Variants in TMEM132D observed in about 807,000 individuals in gnomAD.
TMEM132D encodes the protein mature OL transmembrane protein.
In TMEM132D, 21 loss-of-function variants were observed where a neutral mutation model predicts 62.3. The observed-to-expected ratio is 0.34, with a 90% CI of 0.24 to 0.49. The LOEUF (loss-of-function observed/expected upper bound fraction) is 0.49, where lower values mean the gene tolerates loss of function less well. TMEM132D is among the 20% of genes least tolerant of loss of function. The probability of loss-of-function intolerance (pLI) is 0.99; values close to 1 mark genes in which losing one functional copy is unlikely to be tolerated. For missense variants in TMEM132D, 1,346 were observed against 1,402.8 expected (o/e 0.96, Z 0.65); for synonymous variants, 621 against 575.6 (o/e 1.08, Z -1.13).
At chr12:129,378,524 T>C (rs1870847955) in intron 3 of TMEM132D, among the ~76,000 whole-genome samples, 1 of 152,188 alleles carries the variant, frequency 6.6e-6, no homozygotes, top group South Asian at 2.1e-4. Flanking sequence ...AATTTCAAAG[T>C]AGTTGAAAGC....
intron 5 of TMEM132D, among the ~76,000 whole-genome samples, chr12:129,134,358 T>C (rs1225201370): frequency 6.6e-6 from 1 of 152,170 alleles, no homozygotes; most frequent in African/African-American, 2.4e-5. Flanking sequence ...TTTAAGGACA[T>C]GGTTACAGAC....
At chr12:129,727,987 G>A (rs984390750) in intron 1 of TMEM132D, among the ~76,000 whole-genome samples, 2 of 152,002 alleles carry the variant, frequency 1.3e-5, no homozygotes, top group African/African-American at 2.4e-5. Context: ...TCTGATCACC[G>A]GCTGTATCCA....
chr12:129,462,237 G>A (rs1196578018), intron 3 of TMEM132D, among the ~76,000 whole-genome samples: 1 of 152,136 alleles, frequency 6.6e-6, no homozygotes, highest in Non-Finnish European at 1.5e-5. Context: ...GAAAGGGAGT[G>A]TCGGGGATGT....
At chr12:129,891,109 G>A (rs772077563) in intron 1 of TMEM132D, among the ~76,000 whole-genome samples, 5 of 152,102 alleles carry the variant, frequency 3.3e-5, no homozygotes, top group Admixed American at 2.0e-4. Flanking sequence ...TGGCACCCTT[G>A]CCATTCCATC....
intron 2 of TMEM132D, among the ~76,000 whole-genome samples, chr12:129,556,467 T>C (rs1877060849): frequency 2.2e-5 from 3 of 136,804 alleles, no homozygotes; most frequent in East Asian, 4.0e-4. Flanking sequence ...GGGGTGGAGC[T>C]TTTTTTTTTC....
chr12:129,181,024 G>C (rs1279087867), intron 5 of TMEM132D, among the ~76,000 whole-genome samples: 1 of 152,132 alleles, frequency 6.6e-6, no homozygotes, highest in African/African-American at 2.4e-5. Context: ...CCAGTTATGA[G>C]GATGCTGCCA....
intron 1 of TMEM132D, among the ~76,000 whole-genome samples, chr12:129,773,795 C>T (rs1870833757): frequency 6.6e-6 from 1 of 152,164 alleles, no homozygotes; most frequent in African/African-American, 2.4e-5. Context: ...CTTGGGCTGG[C>T]ATACAGAACA....
At chr12:129,377,480 T>A (rs557741936) in intron 3 of TMEM132D, among the ~76,000 whole-genome samples, 1 of 152,276 alleles carries the variant, frequency 6.6e-6, no homozygotes, top group East Asian at 1.9e-4. Context: ...GCATATGCAA[T>A]AATTTCTCCA....
chr12:129,230,122 G>A (rs1196374423), intron 4 of TMEM132D, among the ~76,000 whole-genome samples: 1 of 152,234 alleles, frequency 6.6e-6, no homozygotes, highest in African/African-American at 2.4e-5. Flanking sequence ...CCCATGCATT[G>A]ACTTAGACTT....
intron 4 of TMEM132D, among the ~76,000 whole-genome samples, chr12:129,322,589 A>T (rs1269830492): frequency 6.6e-6 from 1 of 152,008 alleles, no homozygotes; most frequent in Non-Finnish European, 1.5e-5. Context: ...TATTACTACA[A>T]GGCAAATTCC....
rs769521638 is a variant in TMEM132D at position 129,889,718 on chromosome 12, T to C, written c.79+13543A>G. ...AGATCTGCTTTGCTTTTTCTCTTTATAGCATCTGTTCAATGCTGACCAGGA... is the reference window on the plus strand; with the variant it reads ...AGATCTGCTTTGCTTTTTCTCTTTACAGCATCTGTTCAATGCTGACCAGGA... On this transcript the variant is annotated intron_variant, in intron 1 of 8. Transcript: ENST00000422113. 3.9e-5 allele frequency among the ~76,000 whole-genome samples: 6 copies of C among 152,354 alleles called. No individual in the cohort carries two copies. In the East Asian group the frequency reaches 5.8e-4, roughly 15 times the overall value.
At position 129,735,193 on chromosome 12, in the gene TMEM132D, G is replaced by T. The variant is rs201151890; in HGVS notation, c.80-34495C>A. 2.0e-5 allele frequency among the ~76,000 whole-genome samples: 3 copies of T among 152,130 alleles called. No individual in the cohort carries two copies. The East Asian group carries it at 5.8e-4, about 29-fold the overall frequency. On this transcript the variant is annotated intron_variant, in intron 1 of 8. Transcript: ENST00000422113. ...ATGAAATTGTGTTACATTCCGTATC[G>T]CAGTCTTGATCACATTTTGCATGAT...
chr12:129,507,275 G>C (rs61945373), intron 3 of TMEM132D, among the ~76,000 whole-genome samples: 1 of 152,174 alleles, frequency 6.6e-6, no homozygotes, highest in African/African-American at 2.4e-5. Context: ...ATGTAAATTA[G>C]TACAAACACT....
chr12:129,515,560 C>T (rs183848468), intron 3 of TMEM132D, among the ~76,000 whole-genome samples: 6 of 152,236 alleles, frequency 3.9e-5, no homozygotes, highest in Non-Finnish European at 7.4e-5. Context: ...GCAGAAGCAG[C>T]AGCAAGAATG....
intron 5 of TMEM132D, among the ~76,000 whole-genome samples, chr12:129,090,892 A>AGTTGACCAGCTTTATTTATGGTCTACC (rs1874886806): frequency 6.6e-6 from 1 of 152,114 alleles, no homozygotes; most frequent in Admixed American, 6.5e-5. Flanking sequence ...TTGGCCCCAG[A>AGTTGACCAGCTTTATTTATGGTCTACC]GTTGACCAGC....
At chr12:129,654,287 TGTGTGTGTGA>T (rs1880012616) in intron 2 of TMEM132D, among the ~76,000 whole-genome samples, 1 of 71,152 alleles carries the variant, frequency 1.4e-5, no homozygotes, top group South Asian at 9.0e-4. Context: ...CTCGTGTGTG[TGTGTGTGTGA>T]GTGTGTGTGT....
chr12:129,248,295 A>G (rs1880176646), intron 4 of TMEM132D, among the ~76,000 whole-genome samples: 2 of 152,304 alleles, frequency 1.3e-5, no homozygotes, highest in South Asian at 2.1e-4. Flanking sequence ...CTGATCCCAC[A>G]CTAATTAACT....
intron 2 of TMEM132D, among the ~76,000 whole-genome samples, chr12:129,688,576 T>A (rs769878106): frequency 4.6e-5 from 7 of 152,146 alleles, no homozygotes; most frequent in Non-Finnish European, 7.3e-5. Context: ...CTGCTTCATG[T>A]AGAGCCTAGC....
At chr12:129,738,682 T>C (rs1195238161) in intron 1 of TMEM132D, among the ~76,000 whole-genome samples, 5 of 152,136 alleles carry the variant, frequency 3.3e-5, no homozygotes. Flanking sequence ...CCATTTTCTT[T>C]CAAACCAAGT....
Sources: allele counts gnomAD v4.1 joint callset (sites outside exome capture counted in the v4.1 genomes callset), GRCh38; gene constraint gnomAD v4.1.1; transcripts MANE v1.5; gene names NCBI Gene and HGNC (gene_info 2026-07-23, HGNC 2026-07-21).